Variants in NPTX1 observed in about 807,000 individuals in gnomAD.
NPTX1 encodes the protein neuronal pentraxin-1.
NPTX1 carries 12 observed loss-of-function variants against 38.7 expected under a neutral mutation model. That is an observed-to-expected ratio of 0.31 (90% confidence interval 0.20 to 0.50). The LOEUF (loss-of-function observed/expected upper bound fraction) is 0.50, where lower values mean the gene tolerates loss of function less well. Ranked by LOEUF, NPTX1 falls within the 20% of genes least tolerant of loss-of-function variation. The pLI is 0.98. For synonymous variants in NPTX1, 272 were observed against 264.9 expected, an observed-to-expected ratio of 1.03 and a Z score of -0.26; for missense variants, 454 against 592.2, an observed-to-expected ratio of 0.77 and a Z score of 2.42.
In NPTX1 at chr17:80,473,271, G is replaced by T. The variant is rs754920591; in HGVS notation, c.826C>A (p.Pro276Thr). The change falls in exon 3 of 5, where the codon CCC becomes ACC. Residue 276 changes from proline (P) to threonine (T), a missense_variant. This residue lies in a region of NPTX1 where 110 missense variants were observed against 197.5 expected (regional missense o/e 0.56). Transcript: ENST00000306773. ...AGGACCAGCTCGTTGGCCTGGCCGG[G>T]CACAGCGTAGGAGAAGGGCGTGCCC... The part of the protein sequence containing the change: ...GVGTPFSYAV[P>T]GQANELVLIE... 1.2e-6 allele frequency: 2 copies of T among 1,613,852 alleles called. No homozygotes were observed. The highest frequency in any genetic ancestry group is 1.7e-6 in the Non-Finnish European group (2 of 1,180,006).
chr17:80,472,321 C>G lies in NPTX1; in HGVS notation c.898-410G>C, dbSNP rs770266095. On this transcript the variant is annotated intron_variant, in intron 3 of 4. Coordinates refer to ENST00000306773, the MANE Select transcript of NPTX1 (RefSeq NM_002522.4). ...CCTTGCTGGCCTCTCCTCTCTCTTC[C>G]GATGTCCCATCTCTAGCTGTTACAC... Among the ~76,000 whole-genome samples, 13 of 151,882 alleles carry G rather than the reference C, an allele frequency of 8.6e-5. No individual in the cohort carries two copies. In the East Asian group the frequency reaches 2.5e-3, roughly 29 times the overall value.
At position 80,471,834 on chromosome 17, in the gene NPTX1, G is replaced by T. The variant is rs2083844051; in HGVS notation, c.975C>A (p.Val325=). Residue 325 remains valine, a synonymous_variant, in exon 4 of 5, where the codon GTC becomes GTA. Coordinates refer to ENST00000306773, the MANE Select transcript of NPTX1 (RefSeq NM_002522.4). Reference sequence around the variant, plus strand: ...GCGTGCCATCCTGGTAGGCCTCCCAGACCCCGTCCCGGGTGGTCCAGGTGA... The same window carrying T: ...GCGTGCCATCCTGGTAGGCCTCCCATACCCCGTCCCGGGTGGTCCAGGTGA... ...ICVTWTTRDG[V]WEAYQDGTQG... The T allele has an allele frequency of 7.4e-6, 12 of 1,613,678 alleles. No individual in the cohort carries two copies. In the East Asian group the frequency reaches 2.5e-4, roughly 33 times the overall value.
In NPTX1 at chr17:80,475,147, CT is replaced by C; in HGVS notation, c.652+363del. 6.6e-6 allele frequency among the ~76,000 whole-genome samples: 1 copy of C among 152,304 alleles called. No homozygotes were observed. Among genetic ancestry groups the C allele is most frequent in the South Asian group, 2.1e-4 (1 of 4,828 alleles). ...AGGCTGGGGACCAGGGAGAGACAGG[CT>C]TTCTTAAGCAGGGAGGGTTTGAGCC... On this transcript the variant is annotated intron_variant, in intron 2 of 4. Coordinates refer to ENST00000306773, the MANE Select transcript of NPTX1 (RefSeq NM_002522.4). The surrounding 1 kb of genome is among the most constrained non-coding windows in gnomAD (Gnocchi z 6.5).
In NPTX1 at chr17:80,475,807, G is replaced by A; in HGVS notation, c.445-89C>T. 9.2e-7 allele frequency: 1 copy of A among 1,082,870 alleles called. No individual in the cohort carries two copies. Among genetic ancestry groups the A allele is most frequent in the South Asian group, 1.6e-5 (1 of 64,162 alleles). The allele number at this position is 1,082,870 out of a possible 1,614,324, so 67.1% of individuals were successfully genotyped here. On this transcript the variant is annotated intron_variant, in intron 1 of 4. Coordinates refer to ENST00000306773, the MANE Select transcript of NPTX1 (RefSeq NM_002522.4). The surrounding 1 kb of genome is among the most constrained non-coding windows in gnomAD (Gnocchi z 6.5). ...GCCCGCGGCGCGGTCCCCTCTGGGC[G>A]ACTGCGGGGGCGGCCTGGCAGGGAG...
At position 80,475,763 on chromosome 17, in the gene NPTX1, G is replaced by T. The variant is rs758875457; in HGVS notation, c.445-45C>A. On this transcript the variant is annotated intron_variant, in intron 1 of 4. Coordinates refer to ENST00000306773, the MANE Select transcript of NPTX1 (RefSeq NM_002522.4). The surrounding 1 kb of genome is among the most constrained non-coding windows in gnomAD (Gnocchi z 6.5). ...GGGAAACCACACCGTTAGGCGAGGC[G>T]CGGGGACCGTGCTGGAAGGCCCGCG... 2 of 1,465,380 alleles carry T rather than the reference G, an allele frequency of 1.4e-6. No homozygotes were observed. Among genetic ancestry groups the T allele is most frequent in the Non-Finnish European group, 1.9e-6 (2 of 1,061,016 alleles). 90.8% of individuals were successfully genotyped at this position (1,465,380 alleles called of 1,614,324 possible).
chr17:80,476,263 G>A lies in NPTX1; in HGVS notation c.184C>T (p.Arg62Cys). 6.4e-7 allele frequency: 1 copy of A among 1,555,882 alleles called. No homozygotes were observed. The highest frequency in any genetic ancestry group is 8.6e-7 in the Non-Finnish European group (1 of 1,160,122). The part of the protein sequence containing the change: ...EELRSSVLQL[R>C]ETVLQQKETI... Reference sequence around the variant, plus strand: ...TCCTTCTGCTGCAGCACCGTCTCGCGGAGCTGCAGCACGCTGCTCCGGAGC... The same window carrying A: ...TCCTTCTGCTGCAGCACCGTCTCGCAGAGCTGCAGCACGCTGCTCCGGAGC... Residue 62 changes from arginine (R) to cysteine (C), a missense_variant, in exon 1 of 5, where the codon CGC (arginine) becomes TGC (cysteine). Arg to Cys is a radical substitution (Grantham distance 180). This residue lies in a region of NPTX1 where 288 missense variants were observed against 318.4 expected (regional missense o/e 0.90). Transcript: ENST00000306773. The surrounding 1 kb of genome is among the most constrained non-coding windows in gnomAD (Gnocchi z 6.3).
rs1272692349 is a variant in NPTX1, at chr17:80,476,239, CCTT to C, written c.205_207del (p.Lys69del). The C allele has an allele frequency of 6.4e-7, 1 of 1,570,510 alleles. No homozygotes were observed. The highest frequency in any genetic ancestry group is 8.6e-7 in the Non-Finnish European group (1 of 1,165,972). On this transcript the variant is annotated inframe_deletion, in exon 1 of 5. Transcript: ENST00000306773. The surrounding 1 kb of genome is among the most constrained non-coding windows in gnomAD (Gnocchi z 6.3). ...GTCTCCTTCTGGCTCAGGATGGTCT[CCTT>C]CTGCTGCAGCACCGTCTCGCGGAGC...
chr17:80,476,298 C>T lies in NPTX1; in HGVS notation c.149G>A (p.Gly50Asp). Residue 50 changes from glycine (G) to aspartate (D), a missense_variant, in exon 1 of 5, where the codon GGC becomes GAC. Physicochemically the swap from Gly to Asp is moderately conservative, Grantham distance 94 (BLOSUM62 -1). This residue lies in a region of NPTX1 where 288 missense variants were observed against 318.4 expected (regional missense o/e 0.90). Transcript: ENST00000306773. The surrounding 1 kb of genome is among the most constrained non-coding windows in gnomAD (Gnocchi z 6.3). Reference sequence around the variant, plus strand: ...CACGCTGCTCCGGAGCTCCTCGGCGCCGCCGGCGGCCACGGACGCGGCGCA... The same window carrying T: ...CACGCTGCTCCGGAGCTCCTCGGCGTCGCCGGCGGCCACGGACGCGGCGCA... ...DMCAASVAAG[G>D]AEELRSSVLQ... The T allele has an allele frequency of 1.9e-6, 3 of 1,557,978 alleles. No individual in the cohort carries two copies. The highest frequency in any genetic ancestry group is 2.6e-6 in the Non-Finnish European group (3 of 1,159,276).
At position 80,476,514 on chromosome 17, in the gene NPTX1, G is replaced by T; in HGVS notation, c.-68C>A. On this transcript the variant is annotated 5_prime_UTR_variant, in exon 1 of 5. Coordinates refer to ENST00000306773, the MANE Select transcript of NPTX1 (RefSeq NM_002522.4). The surrounding 1 kb of genome is among the most constrained non-coding windows in gnomAD (Gnocchi z 6.3). ...GGGGCTCGGCTCCGGCTGGGACCCG[G>T]CTCGGGCTGTGGCTCCGCGAGCGGC... The T allele has an allele frequency of 1.0e-6, 1 of 960,346 alleles. No individual in the cohort carries two copies. The highest frequency in any genetic ancestry group is 4.9e-5 in the South Asian group (1 of 20,404). The allele number at this position is 960,346 out of a possible 1,614,324, so 59.5% of individuals were successfully genotyped here.
chr17:80,473,853 G>A, intron 2 of NPTX1: 1 of 215,014 alleles, frequency 4.7e-6, no homozygotes, highest in African/African-American at 2.3e-5. Flanking sequence ...TACCCTGAGA[G>A]TAACCGACCT....
In NPTX1 at chr17:80,468,182, A is replaced by G. The variant is rs1158011446; in HGVS notation, c.*2631T>C. ...GGGGCCAGCAAAGTGCCAAGTGTCA[A>G]CACAGTGAGGGAGTCGAGGGGCTTG... On this transcript the variant is annotated 3_prime_UTR_variant, in exon 5 of 5. Coordinates refer to ENST00000306773, the MANE Select transcript of NPTX1 (RefSeq NM_002522.4). The G allele has an allele frequency of 6.5e-6, 1 of 152,776 alleles. No individual in the cohort carries two copies. Among genetic ancestry groups the G allele is most frequent in the Non-Finnish European group, 1.5e-5 (1 of 68,110 alleles). 9.5% of individuals were successfully genotyped at this position (152,776 alleles called of 1,614,324 possible). A position where few individuals can be genotyped will look rare whatever the true frequency, so the allele number is the denominator to read the frequency against.
chr17:80,472,526 T>C (rs2083848115), intron 3 of NPTX1, among the ~76,000 whole-genome samples: 1 of 152,154 alleles, frequency 6.6e-6, no homozygotes, highest in South Asian at 2.1e-4. Context: ...CCCTTTCCGC[T>C]TGGGGAAAGG....
chr17:80,471,158 G>A (rs1165928450), intron 4 of NPTX1, 124 bp from the exon 5 acceptor site: 15 of 695,856 alleles, frequency 2.2e-5, no homozygotes, highest in African/African-American at 5.4e-5. Context: ...ACACTCCTAG[G>A]TGCCGTTTCG....
At position 80,468,141 on chromosome 17, in the gene NPTX1, G is replaced by C. The variant is rs1003825155; in HGVS notation, c.*2672C>G. 3 of 152,812 alleles carry C rather than the reference G, an allele frequency of 2.0e-5. No individual in the cohort carries two copies. The highest frequency in any genetic ancestry group is 7.2e-5 in the African/African-American group (3 of 41,458). The allele number at this position is 152,812 out of a possible 1,614,324, so 9.5% of individuals were successfully genotyped here. On this transcript the variant is annotated 3_prime_UTR_variant, in exon 5 of 5. Transcript: ENST00000306773. ...CTACGTGGATTAGATTTGCGGCTGTGTCATCGACCTTTCTCGGGGCCAGCA... is the reference window on the plus strand; with the variant it reads ...CTACGTGGATTAGATTTGCGGCTGTCTCATCGACCTTTCTCGGGGCCAGCA...
At chr17:80,472,429 GCCTCCAACCTGGAATTTCACTCT>G (rs1312437331) in intron 3 of NPTX1, among the ~76,000 whole-genome samples, 1 of 152,238 alleles carries the variant, frequency 6.6e-6, no homozygotes, top group East Asian at 1.9e-4. Flanking sequence ...GCTCAGACCA[GCCTCCAACCTGGAATTTCACTCT>G]CCCACTGCCA....
Position 80,471,029 on chromosome 17 carries a change from A to T in NPTX1, c.1083T>A (p.Thr361=). ...GVLVLGQEQD[T]LGGGFDATQA... is the part of the protein sequence containing the mutation. Reference sequence around the variant, plus strand: ...GGGTGGCATCAAACCCACCACCCAGAGTGTCCTTCAGAGAAAAACAGAGGA... The same window carrying T: ...GGGTGGCATCAAACCCACCACCCAGTGTGTCCTTCAGAGAAAAACAGAGGA... Residue 361 remains threonine, a synonymous_variant, in exon 5 of 5, where the codon ACT becomes ACA. Transcript: ENST00000306773. The T allele has an allele frequency of 6.3e-7, 1 of 1,598,488 alleles. No homozygotes were observed. The highest frequency in any genetic ancestry group is 1.3e-5 in the African/African-American group (1 of 74,798).
chr17:80,475,936 C>A lies in NPTX1; in HGVS notation c.444+67G>T. The A allele has an allele frequency of 8.4e-7, 1 of 1,186,374 alleles. No individual in the cohort carries two copies. Among genetic ancestry groups the A allele is most frequent in the Admixed American group, 2.2e-5 (1 of 45,990 alleles). 73.5% of individuals were successfully genotyped at this position (1,186,374 alleles called of 1,614,324 possible). A position where few individuals can be genotyped will look rare whatever the true frequency, so the allele number is the denominator to read the frequency against. ...GGGGGATGCCTGGCCGGGTAGGGAA[C>A]GGGGTGGGGGAGGGCAGAGGGGCGA... On this transcript the variant is annotated intron_variant, in intron 1 of 4. Coordinates refer to ENST00000306773, the MANE Select transcript of NPTX1 (RefSeq NM_002522.4). The surrounding 1 kb of genome is among the most constrained non-coding windows in gnomAD (Gnocchi z 6.5).
rs1440102827 is a variant in NPTX1, at chr17:80,471,876, C to T, written c.933G>A (p.Lys311=). 8 of 1,613,094 alleles carry T rather than the reference C, an allele frequency of 5.0e-6. No homozygotes were observed. The Admixed American group carries it at 6.7e-5, about 13-fold the overall frequency. ...AKLPFVINDG[K]WHHICVTWTT... ...TCCAGGTGACACAGATGTGGTGCCACTTGCCATCATTGATGACAAAAGGCA... is the reference window on the plus strand; with the variant it reads ...TCCAGGTGACACAGATGTGGTGCCATTTGCCATCATTGATGACAAAAGGCA... Residue 311 remains lysine, a synonymous_variant, in exon 4 of 5, where the codon AAG becomes AAA. Transcript: ENST00000306773.
rs2083871539 is a variant in NPTX1, at chr17:80,475,136, G to A, written c.652+375C>T. ...GCTGTACGCTGAGGCTGGGGACCAGGGAGAGACAGGCTTTCTTAAGCAGGG... is the reference window on the plus strand; with the variant it reads ...GCTGTACGCTGAGGCTGGGGACCAGAGAGAGACAGGCTTTCTTAAGCAGGG... On this transcript the variant is annotated intron_variant, in intron 2 of 4. Coordinates refer to ENST00000306773, the MANE Select transcript of NPTX1 (RefSeq NM_002522.4). This position sits in a 1 kb window ranked among gnomAD's most constrained non-coding sequence, Gnocchi z 6.5. Among the ~76,000 whole-genome samples the A allele has an allele frequency of 6.6e-6, 1 of 152,208 alleles. No individual in the cohort carries two copies. Among genetic ancestry groups the A allele is most frequent in the Admixed American group, 6.5e-5 (1 of 15,278 alleles).
Sources: allele counts gnomAD v4.1 joint callset (sites outside exome capture counted in the v4.1 genomes callset), GRCh38; gene constraint gnomAD v4.1.1; regional missense constraint gnomAD v4.1.1; non-coding constraint Gnocchi (gnomAD v3.1); transcripts MANE v1.5; gene names NCBI Gene and HGNC (gene_info 2026-07-23, HGNC 2026-07-21).